CNTN5: variants seen among roughly 807,000 people sequenced by gnomAD.
The protein encoded by CNTN5 is contactin 5.
CNTN5 carries 77 observed loss-of-function variants against 129.1 expected under a neutral mutation model. The observed-to-expected ratio is 0.60, with a 90% CI of 0.50 to 0.72. The LOEUF is 0.72. Among genes scored for constraint, CNTN5 ranks in the 30% least tolerant of loss-of-function variants. CNTN5 has a pLI of 0.00. For synonymous variants in CNTN5, 509 were observed against 465.6 expected, an observed-to-expected ratio of 1.09 and a Z score of -1.20; for missense variants, 1,478 against 1,328.8, an observed-to-expected ratio of 1.11 and a Z score of -1.75.
Position 100,187,984 on chromosome 11 carries a change from A to G in CNTN5, c.1581-3142A>G, listed in dbSNP as rs188008335. On this transcript the variant is annotated intron_variant, in intron 13 of 24. Transcript: ENST00000524871. ...AGCTTCTGCAGAGCAAAAGAAAACT[A>G]TCAATATAGTAAATACCCTGCAGAA... 2.8e-3 allele frequency among the ~76,000 whole-genome samples: 421 copies of G among 152,326 alleles called. 3 individuals carry two copies. Among genetic ancestry groups the G allele is most frequent in the African/African-American group, 9.8e-3 (407 of 41,578 alleles).
At chr11:99,296,607 G>C (rs1864400631) in intron 1 of CNTN5, among the ~76,000 whole-genome samples, 1 of 152,126 alleles carries the variant, frequency 6.6e-6, no homozygotes, top group Non-Finnish European at 1.5e-5. Flanking sequence ...CTGAAGCTTT[G>C]ATTGTCTTCC....
chr11:99,401,905 T>C (rs1941831763), intron 2 of CNTN5, among the ~76,000 whole-genome samples: 2 of 152,190 alleles, frequency 1.3e-5, no homozygotes, highest in South Asian at 4.1e-4. Flanking sequence ...TATTGATTTT[T>C]GTATATTGAT....
At position 100,098,208 on chromosome 11, in the gene CNTN5, A is replaced by G. The variant is rs902980002; in HGVS notation, c.1580+23914A>G. The stretch of plus-strand genomic sequence containing the variant: ...TCAACATGAATTATAGCTATGTATA[A>G]GCAAAAAAAAGTATTTGACTTTAAA... On this transcript the variant is annotated intron_variant, in intron 13 of 24. Coordinates refer to ENST00000524871, the MANE Select transcript of CNTN5 (RefSeq NM_014361.4). Among the ~76,000 whole-genome samples the G allele has an allele frequency of 1.3e-5, 2 of 152,196 alleles. 1 individual carries two copies. The highest frequency in any genetic ancestry group is 6.8e-3 in the Middle Eastern group (2 of 292).
intron 2 of CNTN5, among the ~76,000 whole-genome samples, chr11:99,524,414 T>C (rs926601664): frequency 5.3e-5 from 8 of 152,312 alleles, no homozygotes; most frequent in Non-Finnish European, 1.2e-4. Context: ...TTTGTTAAAT[T>C]AAAATTAAAT....
chr11:99,352,413 A>G (rs1246946984), intron 2 of CNTN5, among the ~76,000 whole-genome samples: 1 of 151,968 alleles, frequency 6.6e-6, no homozygotes, highest in East Asian at 1.9e-4. Context: ...TCATATATTT[A>G]TTTTTCTGAC....
At chr11:99,890,948 C>A (rs1159572494) in intron 6 of CNTN5, among the ~76,000 whole-genome samples, 1 of 151,970 alleles carries the variant, frequency 6.6e-6, no homozygotes. Context: ...AAAATCAGAC[C>A]ATTGCCAATT....
chr11:99,099,547 TATAC>T (rs1290220388), intron 1 of CNTN5, among the ~76,000 whole-genome samples: 7 of 70,246 alleles, frequency 1.0e-4, no homozygotes, highest in East Asian at 1.1e-3. Flanking sequence ...ATATAATGTG[TATAC>T]ACACACACAC....
chr11:99,760,254 TTTTG>T (rs1248183969), intron 3 of CNTN5, among the ~76,000 whole-genome samples: 1 of 152,130 alleles, frequency 6.6e-6, no homozygotes, highest in East Asian at 1.9e-4. Context: ...AAACATAGAT[TTTTG>T]TTCAGTGACC....
chr11:99,797,430 A>C (rs1945980194), intron 3 of CNTN5, among the ~76,000 whole-genome samples: 2 of 152,014 alleles, frequency 1.3e-5, no homozygotes, highest in Admixed American at 1.3e-4. Flanking sequence ...AAGCCAAAAA[A>C]CGTTAAGAAA....
intron 7 of CNTN5, among the ~76,000 whole-genome samples, chr11:99,949,900 C>T (rs1179521618): frequency 3.3e-5 from 5 of 152,026 alleles, no homozygotes; most frequent in Admixed American, 6.6e-5. Context: ...TTTTATTTAT[C>T]TTATGTTTTT....
At chr11:99,675,201 C>G (rs1301297882) in intron 3 of CNTN5, among the ~76,000 whole-genome samples, 1 of 152,078 alleles carries the variant, frequency 6.6e-6, no homozygotes, top group African/African-American at 2.4e-5. Context: ...TGAGTACAAT[C>G]TAGTAGGATA....
intron 13 of CNTN5, among the ~76,000 whole-genome samples, chr11:100,099,001 A>C (rs776752589): frequency 4.1e-4 from 62 of 152,064 alleles, no homozygotes; most frequent in Non-Finnish European, 6.6e-4. Flanking sequence ...GAGCAGGTCC[A>C]GATTAAAGGG....
chr11:99,835,583 C>T (rs1947276909), intron 4 of CNTN5, among the ~76,000 whole-genome samples: 1 of 152,072 alleles, frequency 6.6e-6, no homozygotes, highest in Admixed American at 6.6e-5. Flanking sequence ...ACAGCAGCAC[C>T]CATACAACAT....
At chr11:100,003,926 C>T (rs1253961393) in intron 9 of CNTN5, 1 of 152,152 alleles carries the variant, frequency 6.6e-6, no homozygotes, top group African/African-American at 2.4e-5. Context: ...AAGATGTCTA[C>T]CCTCTACCTA....
intron 1 of CNTN5, among the ~76,000 whole-genome samples, chr11:99,312,391 G>C (rs887380857): frequency 6.6e-6 from 1 of 152,020 alleles, no homozygotes; most frequent in Non-Finnish European, 1.5e-5. Context: ...TTCTTTATGT[G>C]TTAAAAAAAT....
chr11:99,856,455 G>A (rs1948037071), intron 6 of CNTN5, among the ~76,000 whole-genome samples: 1 of 152,102 alleles, frequency 6.6e-6, no homozygotes, highest in South Asian at 2.1e-4. Context: ...TGTTTAAAAT[G>A]GTACCCCTGG....
intron 2 of CNTN5, among the ~76,000 whole-genome samples, chr11:99,346,176 T>C (rs1225116503): frequency 6.6e-6 from 1 of 152,196 alleles, no homozygotes; most frequent in East Asian, 1.9e-4. Flanking sequence ...CCTCTAAATA[T>C]TGACTTCCAA....
chr11:99,536,815 A>G (rs958595255), intron 2 of CNTN5, among the ~76,000 whole-genome samples: 2 of 151,400 alleles, frequency 1.3e-5, no homozygotes, highest in African/African-American at 4.9e-5. Flanking sequence ...TCACAAAAAG[A>G]AGCCAGATAT....
intron 8 of CNTN5, among the ~76,000 whole-genome samples, chr11:99,965,137 C>T (rs576086795): frequency 8.6e-5 from 13 of 151,992 alleles, no homozygotes; most frequent in Non-Finnish European, 1.3e-4. Context: ...ATTTTTTGAA[C>T]GGTTTTTTGT....
Sources: allele counts gnomAD v4.1 joint callset (sites outside exome capture counted in the v4.1 genomes callset), GRCh38; gene constraint gnomAD v4.1.1; transcripts MANE v1.5; gene names NCBI Gene and HGNC (gene_info 2026-07-23, HGNC 2026-07-21).